The following CDCA2 variants were observed in gnomAD, a reference collection of about 807,000 sequenced individuals.
CDCA2 encodes cell division cycle associated 2.
Under a neutral mutation model 67.0 loss-of-function variants are expected in CDCA2, and 44 were observed. The ratio of observed to expected loss-of-function variants is 0.66; its 90% confidence interval spans 0.52 to 0.84. The LOEUF (loss-of-function observed/expected upper bound fraction) is 0.84, where lower values mean the gene tolerates loss of function less well. Ranked by LOEUF, CDCA2 falls within the 40% of genes least tolerant of loss-of-function variation. The pLI, the probability that CDCA2 is intolerant of heterozygous loss-of-function variation, is 0.00. For synonymous variants in CDCA2, 447 were observed against 418.7 expected, an observed-to-expected ratio of 1.07 and a Z score of -0.82; for missense variants, 1,253 against 1,203.2, an observed-to-expected ratio of 1.04 and a Z score of -0.61.
intron 11 of CDCA2, among the ~76,000 whole-genome samples, chr8:25,486,527 G>T (rs968429468): frequency 6.6e-6 from 1 of 152,050 alleles, no homozygotes; most frequent in Non-Finnish European, 1.5e-5. Context: ...AGTCTGCCAG[G>T]TGCGGTGGCT....
At chr8:25,491,645 G>T (rs1012881570) in intron 13 of CDCA2, among the ~76,000 whole-genome samples, 2 of 152,094 alleles carry the variant, frequency 1.3e-5, no homozygotes, top group Non-Finnish European at 2.9e-5. Context: ...TTGAGAGAAG[G>T]TCTCACTCTC....
chr8:25,480,028 T>G lies in CDCA2; in HGVS notation c.936T>G (p.Thr312=). The G allele has an allele frequency of 6.2e-7, 1 of 1,614,194 alleles. No homozygotes were observed. The change falls in exon 8 of 15, where the codon ACT becomes ACG. Residue 312 remains threonine (T), a synonymous_variant. Transcript: ENST00000330560. The part of the protein sequence containing the change: ...DAVPDVRSPA[T]PACRRDLPTP... ...TCCCTGATGTCAGGTCACCAGCTAC[T>G]CCAGCCTGCAGGAGGGACCTTCCCA...
intron 7 of CDCA2, among the ~76,000 whole-genome samples, chr8:25,471,355 T>TC (rs1803146670): frequency 1.6e-5 from 1 of 60,900 alleles, no homozygotes; most frequent in Non-Finnish European, 3.5e-5. Flanking sequence ...TTCAATGTTT[T>TC]CTTTCTTCTT....
intron 12 of CDCA2, 143 bp downstream of exon 12, chr8:25,487,477 C>A: frequency 1.7e-6 from 1 of 604,992 alleles, no homozygotes. Context: ...CACCGTGGTT[C>A]ACGCCTGTAA....
intron 13 of CDCA2, among the ~76,000 whole-genome samples, chr8:25,493,056 A>T (rs1006959892): frequency 6.6e-5 from 10 of 152,206 alleles, no homozygotes; most frequent in Admixed American, 5.9e-4. Context: ...GAATTCATGC[A>T]TGCTCAACTC....
Position 25,483,998 on chromosome 8 carries a change from C to G in CDCA2, c.1153C>G (p.Leu385Val). Residue 385 changes from leucine (L) to valine (V), a missense_variant, in exon 10 of 15, where the codon CTA (leucine) becomes GTA (valine). Transcript: ENST00000330560. The stretch of plus-strand genomic sequence containing the variant: ...AGAAAATTTTGAAGCACCTGCCTTT[C>G]TAAATATGAGGAAGAGGAAGAGAGT... ...DEENFEAPAF[L>V]NMRKRKRVTF... 1 of 1,614,028 alleles carries G rather than the reference C, an allele frequency of 6.2e-7. No homozygotes were observed. The highest frequency in any genetic ancestry group is 8.5e-7 in the Non-Finnish European group (1 of 1,179,960).
intron 4 of CDCA2, among the ~76,000 whole-genome samples, chr8:25,464,415 CAAATAA>C (rs1350037657): frequency 6.6e-6 from 1 of 152,118 alleles, no homozygotes; most frequent in African/African-American, 2.4e-5. Context: ...GACCTTGTCT[CAAATAA>C]AAATAAAGTA....
chr8:25,506,674 G>A lies in CDCA2; in HGVS notation c.2008G>A (p.Gly670Ser), dbSNP rs759667599. Residue 670 changes from glycine (G) to serine (S), a missense_variant, in exon 15 of 15, where the codon GGC becomes AGC. Gly to Ser is a moderately conservative substitution (Grantham distance 56, BLOSUM62 0). Transcript: ENST00000330560. ...CSYIKSSSSLGNATSDEDPNT... is the reference protein window; with the variant it reads ...CSYIKSSSSLSNATSDEDPNT... Reference sequence around the variant, plus strand: ...TTATATAAAAAGTTCCTCATCGCTTGGCAATGCTACTTCTGATGAAGATCC... The same window carrying A: ...TTATATAAAAAGTTCCTCATCGCTTAGCAATGCTACTTCTGATGAAGATCC... The A allele has an allele frequency of 1.9e-6, 3 of 1,612,738 alleles. No homozygotes were observed. Among genetic ancestry groups the A allele is most frequent in the South Asian group, 1.1e-5 (1 of 90,618 alleles).
At chr8:25,476,755 T>C (rs1803367222) in intron 7 of CDCA2, among the ~76,000 whole-genome samples, 1 of 151,952 alleles carries the variant, frequency 6.6e-6, no homozygotes, top group South Asian at 2.1e-4. Flanking sequence ...TGTCTCACCA[T>C]GTTGGCCGGG....
At chr8:25,465,001 C>T (rs1802843080) in intron 4 of CDCA2, among the ~76,000 whole-genome samples, 2 of 152,050 alleles carry the variant, frequency 1.3e-5, no homozygotes, top group Non-Finnish European at 1.5e-5. Context: ...TGAGACCAAG[C>T]CTTGCTCTGT....
At chr8:25,500,165 C>A (rs1422496802) in intron 13 of CDCA2, among the ~76,000 whole-genome samples, 1 of 151,658 alleles carries the variant, frequency 6.6e-6, no homozygotes, top group Non-Finnish European at 1.5e-5. Flanking sequence ...TTCATTCATT[C>A]ATTCGTATTT....
At chr8:25,459,829 G>A (rs75655812) in intron 1 of CDCA2, among the ~76,000 whole-genome samples, 103 of 152,240 alleles carry the variant, frequency 6.8e-4, no homozygotes, top group Admixed American at 2.6e-3. Context: ...ATTGGGGATG[G>A]ATGGGAAGGA....
Position 25,465,750 on chromosome 8 carries a change from A to G in CDCA2, c.388-425A>G, listed in dbSNP as rs1032208300. ...CGTTCTGGCCCCTGGGCTGGAGGGC[A>G]TGTGTAGACCCGTGCTGAGTAGAAA... On this transcript the variant is annotated intron_variant, in intron 4 of 14. Transcript: ENST00000330560. Among the ~76,000 whole-genome samples the G allele has an allele frequency of 3.9e-5, 6 of 152,302 alleles. No homozygotes were observed. The East Asian group carries it at 7.7e-4, about 20-fold the overall frequency.
chr8:25,495,492 G>T (rs1339214649), intron 13 of CDCA2, among the ~76,000 whole-genome samples: 1 of 151,880 alleles, frequency 6.6e-6, no homozygotes, highest in East Asian at 1.9e-4. Context: ...TCGGCTCACT[G>T]CAAGCTCCGC....
chr8:25,469,006 C>T (rs1042415139), intron 6 of CDCA2, among the ~76,000 whole-genome samples: 3 of 152,156 alleles, frequency 2.0e-5, no homozygotes, highest in Admixed American at 6.5e-5. Flanking sequence ...GATCAAAAGG[C>T]GATATTAGAA....
Position 25,483,955 on chromosome 8 carries a change from T to A in CDCA2, c.1121-11T>A. On this transcript the variant is annotated splice_polypyrimidine_tract_variant and intron_variant, in intron 9 of 14. Coordinates refer to ENST00000330560, the MANE Select transcript of CDCA2 (RefSeq NM_152562.4). ...ATTTTTAAGTTACTCTCATTTATTGTCTAATTATAGAAGATGAAGAAAATT... is the reference window on the plus strand; with the variant it reads ...ATTTTTAAGTTACTCTCATTTATTGACTAATTATAGAAGATGAAGAAAATT... 1 of 1,605,700 alleles carries A rather than the reference T, an allele frequency of 6.2e-7. No individual in the cohort carries two copies.
Position 25,462,108 on chromosome 8 carries a change from G to T in CDCA2, c.287G>T (p.Arg96Leu). 1 of 1,614,110 alleles carries T rather than the reference G, an allele frequency of 6.2e-7. No individual in the cohort carries two copies. ...AGACGACGTTCTGCAGTCGGTGCTC[G>T]GGGCTCTCCTGAAACAAACCATCTG... Reference protein sequence around the residue: ...KCRRRSAVGARGSPETNHLIR... With the variant: ...KCRRRSAVGALGSPETNHLIR... The change falls in exon 4 of 15, where the codon CGG becomes CTG. Residue 96 changes from arginine (R) to leucine (L), a missense_variant. Transcript: ENST00000330560.
At position 25,503,488 on chromosome 8, in the gene CDCA2, T is replaced by C. The variant is rs746413708; in HGVS notation, c.1787T>C (p.Leu596Pro). 6.2e-7 allele frequency: 1 copy of C among 1,614,106 alleles called. No individual in the cohort carries two copies. Among genetic ancestry groups the C allele is most frequent in the Admixed American group, 1.7e-5 (1 of 60,010 alleles). Reference protein sequence around the residue: ...KKPLLSPIPELPEVPEMTPSI... With the variant: ...KKPLLSPIPEPPEVPEMTPSI... ...CCCCTCCTCAGTCCTATTCCCGAGC[T>C]GCCTGAAGTCCCTGAGATGACACCT... Residue 596 changes from leucine (L) to proline (P), a missense_variant, in exon 14 of 15, where the codon CTG (leucine) becomes CCG (proline). Transcript: ENST00000330560.
intron 5 of CDCA2, among the ~76,000 whole-genome samples, chr8:25,466,869 C>A (rs953830333): frequency 6.6e-6 from 1 of 151,592 alleles, no homozygotes; most frequent in Non-Finnish European, 1.5e-5. Flanking sequence ...ATGGTGAAAC[C>A]CTGTCTCTAC....
Sources: allele counts gnomAD v4.1 joint callset (sites outside exome capture counted in the v4.1 genomes callset), GRCh38; gene constraint gnomAD v4.1.1; transcripts MANE v1.5; gene names NCBI Gene and HGNC (gene_info 2026-07-23, HGNC 2026-07-21).